PTPRD: variants seen among roughly 807,000 people sequenced by gnomAD.
PTPRD encodes the protein protein tyrosine phosphatase receptor type D.
PTPRD carries 34 observed loss-of-function variants against 214.5 expected under a neutral mutation model. The observed-to-expected ratio is 0.16, with a 90% CI of 0.12 to 0.21. PTPRD has a LOEUF of 0.21. Among genes scored for constraint, PTPRD ranks in the 10% least tolerant of loss-of-function variants. The pLI is 1.00. For synonymous variants in PTPRD, 1,128 were observed against 845.7 expected (o/e 1.33, Z -5.79); for missense variants, 2,545 against 2,398.7 (o/e 1.06, Z -1.27).
intron 11 of PTPRD, among the ~76,000 whole-genome samples, chr9:8,851,463 G>T (rs2570967): frequency 0.74 from 111,812 of 152,086 alleles, 41,994 homozygotes; most frequent in African/African-American, 0.89. Flanking sequence ...CAGAAAAAGA[G>T]AGTTCTAGCA....
At chr9:9,641,806 C>CCAAACCA (rs1220315875) in intron 7 of PTPRD, among the ~76,000 whole-genome samples, 2 of 152,120 alleles carry the variant, frequency 1.3e-5, no homozygotes, top group Non-Finnish European at 2.9e-5. Context: ...CCCCAAACCA[C>CCAAACCA]CGTGATTTAG....
At chr9:8,340,672 A>G (rs1362604139) in intron 41 of PTPRD, among the ~76,000 whole-genome samples, 1 of 152,162 alleles carries the variant, frequency 6.6e-6, no homozygotes, top group Non-Finnish European at 1.5e-5. Flanking sequence ...TTGCTTGTTA[A>G]TATTATGATG....
chr9:9,481,995 G>C (rs987775856), intron 8 of PTPRD, among the ~76,000 whole-genome samples: 1 of 152,006 alleles, frequency 6.6e-6, no homozygotes, highest in Non-Finnish European at 1.5e-5. Flanking sequence ...CATCATAAGA[G>C]AACTCTCCCA....
chr9:10,206,506 G>C (rs1376298287), intron 3 of PTPRD, among the ~76,000 whole-genome samples: 4 of 152,122 alleles, frequency 2.6e-5, no homozygotes, highest in African/African-American at 9.7e-5. Context: ...AAAGAATTAA[G>C]ACTATCTGTT....
intron 35 of PTPRD, among the ~76,000 whole-genome samples, chr9:8,420,571 C>G (rs1466465205): frequency 6.6e-6 from 1 of 151,990 alleles, no homozygotes; most frequent in Non-Finnish European, 1.5e-5. Flanking sequence ...AGATCAAAAA[C>G]AAAACGATTA....
In PTPRD at chr9:9,614,280, A is replaced by G. The variant is rs1396809956; in HGVS notation, c.-286-39499T>C. Among the ~76,000 whole-genome samples the G allele has an allele frequency of 2.0e-5, 3 of 152,260 alleles. No homozygotes were observed. The East Asian group carries it at 5.8e-4, about 29-fold the overall frequency. On this transcript the variant is annotated intron_variant, in intron 7 of 45. Coordinates refer to ENST00000381196, the MANE Select transcript of PTPRD (RefSeq NM_002839.4). ...CATTCAAATACCATGTCACTTTGCT[A>G]TAATAAAGCAATTCTCAGCAGTTCA... is the stretch of plus-strand genomic sequence containing the variant.
At chr9:8,416,521 A>G (rs1158894930) in intron 35 of PTPRD, among the ~76,000 whole-genome samples, 2 of 152,166 alleles carry the variant, frequency 1.3e-5, no homozygotes, top group African/African-American at 4.8e-5. Context: ...TCCTCTTGTC[A>G]TGTCAGAGGC....
chr9:8,718,881 G>T (rs1483852627), intron 12 of PTPRD, among the ~76,000 whole-genome samples: 1 of 152,094 alleles, frequency 6.6e-6, no homozygotes, highest in Non-Finnish European at 1.5e-5. Flanking sequence ...CCGAGCGTTT[G>T]CTGCTGGATC....
At chr9:9,839,815 T>C (rs947830601) in intron 5 of PTPRD, among the ~76,000 whole-genome samples, 24 of 152,058 alleles carry the variant, frequency 1.6e-4, no homozygotes, top group Admixed American at 3.3e-4. Context: ...TGCATTTTTT[T>C]AAGAAGCCTC....
chr9:10,333,066 A>C (rs188258731), intron 3 of PTPRD, among the ~76,000 whole-genome samples: 1 of 151,976 alleles, frequency 6.6e-6, no homozygotes, highest in East Asian at 1.9e-4. Context: ...ACAAGGTAGG[A>C]CTTCAATAGG....
chr9:9,960,465 G>C (rs1406835090), intron 4 of PTPRD, among the ~76,000 whole-genome samples: 1 of 152,096 alleles, frequency 6.6e-6, no homozygotes, highest in Admixed American at 6.6e-5. Flanking sequence ...TATGGAAAGG[G>C]GGGACAGGAG....
At chr9:9,670,737 G>A (rs2154386365) in intron 7 of PTPRD, among the ~76,000 whole-genome samples, 1 of 152,310 alleles carries the variant, frequency 6.6e-6, no homozygotes, top group African/African-American at 2.4e-5. Context: ...CTCAAGCCTT[G>A]ACAGCTTCCA....
chr9:9,630,657 G>A (rs1473148388), intron 7 of PTPRD, among the ~76,000 whole-genome samples: 1 of 152,116 alleles, frequency 6.6e-6, no homozygotes. Context: ...AATCCGGGAG[G>A]AAAATAGTGA....
intron 8 of PTPRD, among the ~76,000 whole-genome samples, chr9:9,470,999 C>A (rs967182144): frequency 1.3e-5 from 2 of 152,244 alleles, no homozygotes; most frequent in African/African-American, 4.8e-5. Context: ...CCAATGGGTG[C>A]AGCCATCTAT....
chr9:10,075,908 A>G (rs1271735102), intron 3 of PTPRD, among the ~76,000 whole-genome samples: 2 of 152,158 alleles, frequency 1.3e-5, no homozygotes, highest in Admixed American at 1.3e-4. Flanking sequence ...TTTCTTCTAC[A>G]TAAATGCTTT....
At chr9:10,573,815 G>A (rs2068249928) in intron 2 of PTPRD, among the ~76,000 whole-genome samples, 2 of 152,096 alleles carry the variant, frequency 1.3e-5, no homozygotes, top group African/African-American at 2.4e-5. Context: ...TGAGAGAAGC[G>A]GAATTGTTTC....
At chr9:9,863,097 G>C (rs2063151970) in intron 5 of PTPRD, among the ~76,000 whole-genome samples, 2 of 152,054 alleles carry the variant, frequency 1.3e-5, no homozygotes, top group African/African-American at 2.4e-5. Flanking sequence ...TGAAGTATTT[G>C]AGTCTAGAAA....
intron 4 of PTPRD, among the ~76,000 whole-genome samples, chr9:9,948,670 G>T (rs1373866350): frequency 4.6e-5 from 7 of 151,970 alleles, no homozygotes; most frequent in African/African-American, 1.2e-4. Flanking sequence ...AGCCAAAATT[G>T]TAAGAAGTGT....
chr9:9,186,060 G>C (rs1180174729), intron 9 of PTPRD, among the ~76,000 whole-genome samples: 3 of 151,942 alleles, frequency 2.0e-5, no homozygotes, highest in Non-Finnish European at 4.4e-5. Context: ...TTTCTCCACT[G>C]TGATTAAAAA....
Sources: allele counts gnomAD v4.1 joint callset (sites outside exome capture counted in the v4.1 genomes callset), GRCh38; gene constraint gnomAD v4.1.1; transcripts MANE v1.5; gene names NCBI Gene and HGNC (gene_info 2026-07-23, HGNC 2026-07-21).